PLXNA2: variants seen among roughly 807,000 people sequenced by gnomAD.
PLXNA2 encodes plexin A2, also known as plexin-A2.
In PLXNA2, 91 loss-of-function variants were observed where a neutral mutation model predicts 193.5. That is an observed-to-expected ratio of 0.47 (90% CI 0.40 to 0.56). PLXNA2 has a LOEUF of 0.56. Among genes scored for constraint, PLXNA2 ranks in the 20% least tolerant of loss-of-function variants. The pLI is 0.00. For missense variants in PLXNA2, 1,995 were observed against 2,503.2 expected (o/e 0.80, Z 4.33); for synonymous variants, 997 against 1,027.3 (o/e 0.97, Z 0.56).
intron 3 of PLXNA2, among the ~76,000 whole-genome samples, chr1:208,179,272 C>A (rs963896439): frequency 9.2e-5 from 14 of 152,170 alleles, no homozygotes; most frequent in Admixed American, 4.6e-4. Context: ...ATGATAATAG[C>A]ACCAATAACG....
chr1:208,055,518 G>T (rs1381631140), intron 13 of PLXNA2, among the ~76,000 whole-genome samples: 1 of 152,118 alleles, frequency 6.6e-6, no homozygotes, highest in Non-Finnish European at 1.5e-5. Flanking sequence ...AAGAGCTTGG[G>T]AATGGAGGGA....
At chr1:208,060,594 A>C in intron 13 of PLXNA2, 92 bp downstream of exon 13, 3 of 1,309,762 alleles carry the variant, frequency 2.3e-6, no homozygotes, top group Non-Finnish European at 3.2e-6. Context: ...TGGGAGATCA[A>C]TCATGGAAAA....
At chr1:208,091,045 A>G (rs1253204844) in intron 9 of PLXNA2, among the ~76,000 whole-genome samples, 1 of 152,190 alleles carries the variant, frequency 6.6e-6, no homozygotes, top group Admixed American at 6.5e-5. Flanking sequence ...AGTGTCCAGG[A>G]AGGCTGGTGT....
intron 3 of PLXNA2, among the ~76,000 whole-genome samples, chr1:208,189,358 T>A (rs889788931): frequency 2.0e-5 from 3 of 152,084 alleles, no homozygotes; most frequent in African/African-American, 7.2e-5. Context: ...AAGATAGTGA[T>A]CTTGTGGTTG....
At chr1:208,234,589 A>C (rs1671794460) in intron 1 of PLXNA2, among the ~76,000 whole-genome samples, 1 of 152,104 alleles carries the variant, frequency 6.6e-6, no homozygotes, top group African/African-American at 2.4e-5. Context: ...CAGTGCTACC[A>C]AGGATCTGAT....
At chr1:208,101,025 AAT>A (rs1191107936) in intron 5 of PLXNA2, among the ~76,000 whole-genome samples, 1 of 152,242 alleles carries the variant, frequency 6.6e-6, no homozygotes, top group Non-Finnish European at 1.5e-5. Flanking sequence ...AATGGATCTA[AAT>A]ATGAATGCTG....
At chr1:208,177,208 A>ACTTGAAT (rs1669685847) in intron 3 of PLXNA2, among the ~76,000 whole-genome samples, 1 of 152,178 alleles carries the variant, frequency 6.6e-6, no homozygotes, top group Non-Finnish European at 1.5e-5. Context: ...TTGTTAAAGG[A>ACTTGAAT]AAGGCTGTGA....
At chr1:208,149,337 G>A (rs1668686867) in intron 3 of PLXNA2, among the ~76,000 whole-genome samples, 1 of 151,930 alleles carries the variant, frequency 6.6e-6, no homozygotes, top group Non-Finnish European at 1.5e-5. Context: ...AGTGTGGTGT[G>A]TATGTGTTGT....
chr1:208,238,994 C>A (rs1310291531), intron 1 of PLXNA2, among the ~76,000 whole-genome samples: 1 of 152,162 alleles, frequency 6.6e-6, no homozygotes, highest in Non-Finnish European at 1.5e-5. Context: ...TGCTCACAAC[C>A]CATGCATCCC....
At chr1:208,222,592 C>T (rs1423530070) in intron 1 of PLXNA2, among the ~76,000 whole-genome samples, 2 of 152,180 alleles carry the variant, frequency 1.3e-5, no homozygotes, top group Non-Finnish European at 2.9e-5. Flanking sequence ...GCATCTGATA[C>T]CTTCCTGATC....
At position 208,028,121 on chromosome 1, in the gene PLXNA2, T is replaced by C; in HGVS notation, c.5477A>G (p.Asp1826Gly). ...GGCGAGGTAGGCATTCATGTCCTGGTCACTGATGGCTGGGAGCTTGGCGAT... is the reference window on the plus strand; with the variant it reads ...GGCGAGGTAGGCATTCATGTCCTGGCCACTGATGGCTGGGAGCTTGGCGAT... ...ADIAKLPAISDQDMNAYLAEQ... is the reference protein window; with the variant it reads ...ADIAKLPAISGQDMNAYLAEQ... Residue 1826 changes from aspartate to glycine, a missense_variant, in exon 31 of 32, where the codon GAC becomes GGC. This residue lies in a region of PLXNA2 where 1,291 missense variants were observed against 1,673.6 expected (regional missense o/e 0.77). Coordinates refer to ENST00000367033, the MANE Select transcript of PLXNA2 (RefSeq NM_025179.4). This position sits in a 1 kb window ranked among gnomAD's most constrained non-coding sequence, Gnocchi z 4.2. 1 of 1,613,494 alleles carries C rather than the reference T, an allele frequency of 6.2e-7. No individual in the cohort carries two copies. Among genetic ancestry groups the C allele is most frequent in the Non-Finnish European group, 8.5e-7 (1 of 1,179,724 alleles).
intron 2 of PLXNA2, among the ~76,000 whole-genome samples, chr1:208,212,628 A>G (rs1670998629): frequency 6.6e-6 from 1 of 152,146 alleles, no homozygotes; most frequent in Non-Finnish European, 1.5e-5. Flanking sequence ...TACCATGGCA[A>G]TTGGCAGAGG....
At chr1:208,119,087 T>G (rs1377981741) in intron 4 of PLXNA2, among the ~76,000 whole-genome samples, 1 of 152,218 alleles carries the variant, frequency 6.6e-6, no homozygotes, top group Non-Finnish European at 1.5e-5. Context: ...GCATTATCAT[T>G]CCAGGGCATG....
chr1:208,050,989 G>T lies in PLXNA2; in HGVS notation c.3255+20C>A, dbSNP rs780278172. ...AGAGCTGTGTTTACCAAAGGCTGGG[G>T]CAGACCAACAGTTACTCACATTGAC... On this transcript the variant is annotated intron_variant, in intron 17 of 31. Transcript: ENST00000367033. 2.4e-5 allele frequency: 38 copies of T among 1,568,860 alleles called. No individual in the cohort carries two copies. The highest frequency in any genetic ancestry group is 3.2e-5 in the Non-Finnish European group (37 of 1,138,748).
chr1:208,150,037 C>T (rs888714151), intron 3 of PLXNA2, among the ~76,000 whole-genome samples: 4 of 152,112 alleles, frequency 2.6e-5, no homozygotes, highest in South Asian at 2.1e-4. Flanking sequence ...GCTAATTGGA[C>T]GGGGACGCAG....
chr1:208,042,524 A>G (rs796243452), intron 21 of PLXNA2, among the ~76,000 whole-genome samples, 158 bp from the exon 22 acceptor site: 6 of 152,230 alleles, frequency 3.9e-5, no homozygotes, highest in African/African-American at 1.4e-4. Context: ...ACCCGTGATG[A>G]TGTAGGAACA....
intron 31 of PLXNA2, among the ~76,000 whole-genome samples, chr1:208,027,769 C>A (rs563645291): frequency 9.9e-4 from 150 of 152,124 alleles, no homozygotes; most frequent in Non-Finnish European, 1.0e-3. Context: ...ATACTTTGAA[C>A]TGAAAAACAA....
intron 5 of PLXNA2, among the ~76,000 whole-genome samples, chr1:208,099,303 T>C (rs1262949029): frequency 6.6e-6 from 1 of 152,222 alleles, no homozygotes; most frequent in Non-Finnish European, 1.5e-5. Flanking sequence ...AAGGGATTTA[T>C]TGAAAATGAA....
At chr1:208,116,386 C>G (rs1262503560) in intron 4 of PLXNA2, among the ~76,000 whole-genome samples, 2 of 152,208 alleles carry the variant, frequency 1.3e-5, no homozygotes, top group Admixed American at 1.3e-4. Context: ...CGAAATAGGT[C>G]TATAAATACC....
Sources: gnomAD v4.1 joint callset for allele counts (sites outside exome capture counted in the v4.1 genomes callset) on GRCh38, gnomAD v4.1.1 for gene constraint, gnomAD v4.1.1 regional missense constraint, Gnocchi (gnomAD v3.1) non-coding constraint, MANE v1.5 for transcripts, NCBI Gene and HGNC (gene_info 2026-07-23, HGNC 2026-07-21) for gene names.